Variants in RIMS2 observed in about 807,000 individuals in gnomAD.
The protein encoded by RIMS2 is regulating synaptic membrane exocytosis protein 2.
A neutral mutation model predicts 174.4 loss-of-function variants in RIMS2; 59 were observed. The ratio of observed to expected loss-of-function variants is 0.34; its 90% CI spans 0.27 to 0.42. RIMS2 has a LOEUF of 0.42. RIMS2 is among the 10% of genes least tolerant of loss of function. The probability of loss-of-function intolerance (pLI) is 1.00; values close to 1 mark genes in which losing one functional copy is unlikely to be tolerated. For synonymous variants in RIMS2, 606 were observed against 572.5 expected (o/e 1.06, Z -0.84); for missense variants, 1,620 against 1,666.3 (o/e 0.97, Z 0.48).
intron 19 of RIMS2, among the ~76,000 whole-genome samples, chr8:104,079,681 CAT>C (rs34198218): frequency 0.24 from 31,297 of 128,768 alleles, 3,998 homozygotes; most frequent in African/African-American, 0.34. Flanking sequence ...TAGGTGAAAA[CAT>C]ATATACCTTC....
chr8:104,028,118 A>G (rs1045827237), intron 19 of RIMS2, among the ~76,000 whole-genome samples: 1 of 150,814 alleles, frequency 6.6e-6, no homozygotes, highest in Admixed American at 6.6e-5. Flanking sequence ...TTTTTTAGAG[A>G]TAGAATCTCT....
chr8:103,590,873 A>G (rs1371238891), intron 1 of RIMS2, among the ~76,000 whole-genome samples: 6 of 151,102 alleles, frequency 4.0e-5, no homozygotes, highest in Admixed American at 4.0e-4. Context: ...GTTTTTGTAG[A>G]CATATGTTTT....
At chr8:104,187,720 T>C (rs1456653030) in intron 19 of RIMS2, among the ~76,000 whole-genome samples, 1 of 151,812 alleles carries the variant, frequency 6.6e-6, no homozygotes, top group Non-Finnish European at 1.5e-5. Flanking sequence ...ATTAAGAGAA[T>C]AAAATATATT....
chr8:103,539,760 C>G (rs1009945180), intron 1 of RIMS2, among the ~76,000 whole-genome samples: 2 of 152,230 alleles, frequency 1.3e-5, no homozygotes, highest in African/African-American at 4.8e-5. Context: ...TCCTCTCTTC[C>G]AACCCTGCCT....
intron 19 of RIMS2, among the ~76,000 whole-genome samples, chr8:104,017,409 G>A (rs1189151484): frequency 4.0e-5 from 6 of 151,738 alleles, no homozygotes; most frequent in African/African-American, 1.5e-4. Context: ...TTATATTTTA[G>A]TCTGTTATAT....
intron 1 of RIMS2, among the ~76,000 whole-genome samples, chr8:103,647,082 G>A (rs1429576856): frequency 1.3e-5 from 2 of 152,130 alleles, no homozygotes; most frequent in African/African-American, 2.4e-5. Flanking sequence ...CATCTAATGA[G>A]ACAAATTATG....
intron 19 of RIMS2, among the ~76,000 whole-genome samples, chr8:104,205,332 A>T (rs1399626849): frequency 6.6e-6 from 1 of 152,118 alleles, no homozygotes; most frequent in African/African-American, 2.4e-5. Context: ...ACAAACTGAT[A>T]CTGTATTAAA....
At chr8:103,988,442 A>G (rs1255455390) in intron 16 of RIMS2, among the ~76,000 whole-genome samples, 1 of 152,080 alleles carries the variant, frequency 6.6e-6, no homozygotes, top group Non-Finnish European at 1.5e-5. Flanking sequence ...TAAGAATTGA[A>G]GCCAGAGATT....
chr8:104,185,934 G>T (rs934898559), intron 19 of RIMS2, among the ~76,000 whole-genome samples: 5 of 151,590 alleles, frequency 3.3e-5, no homozygotes, highest in Non-Finnish European at 7.4e-5. Context: ...GTACCCATAT[G>T]TTTATCATGG....
intron 1 of RIMS2, among the ~76,000 whole-genome samples, chr8:103,545,421 G>T (rs1844548017): frequency 6.6e-6 from 1 of 152,178 alleles, no homozygotes; most frequent in African/African-American, 2.4e-5. Flanking sequence ...TGAAAGAGAG[G>T]AAGAGAAAGC....
intron 19 of RIMS2, among the ~76,000 whole-genome samples, chr8:104,039,105 G>A (rs1179395034): frequency 6.6e-6 from 1 of 151,610 alleles, no homozygotes; most frequent in East Asian, 1.9e-4. Context: ...AAGAATGAAA[G>A]CATTGGTGAA....
At position 103,767,913 on chromosome 8, in the gene RIMS2, A is replaced by G. The variant is rs183491779; in HGVS notation, c.698+1376A>G. The stretch of plus-strand genomic sequence containing the variant: ...ATATAGAGGACAAGGAAGTTGGAGT[A>G]TTTAATTTATCAACTCTCCTTTATT... On this transcript the variant is annotated intron_variant, in intron 3 of 23. Transcript: ENST00000504942. Among the ~76,000 whole-genome samples, 5 of 152,320 alleles carry G rather than the reference A, an allele frequency of 3.3e-5. No individual in the cohort carries two copies. In the South Asian group the frequency reaches 8.3e-4, roughly 25 times the overall value.
At chr8:103,788,602 C>T (rs573656015) in intron 3 of RIMS2, among the ~76,000 whole-genome samples, 1 of 151,986 alleles carries the variant, frequency 6.6e-6, no homozygotes, top group South Asian at 2.1e-4. Flanking sequence ...GGGTCAGGGA[C>T]CCACTCGAGG....
intron 2 of RIMS2, among the ~76,000 whole-genome samples, chr8:103,719,333 C>G (rs982498239): frequency 4.6e-5 from 7 of 152,082 alleles, no homozygotes; most frequent in Non-Finnish European, 8.8e-5. Context: ...TTTTTTGCTT[C>G]TTATACCCAA....
At chr8:104,145,837 G>A (rs1458377593) in intron 19 of RIMS2, among the ~76,000 whole-genome samples, 3 of 151,596 alleles carry the variant, frequency 2.0e-5, no homozygotes, top group African/African-American at 7.3e-5. Context: ...CTCCAGCCTG[G>A]GCAACAAGAG....
chr8:103,899,896 A>G (rs1293729213), intron 4 of RIMS2, among the ~76,000 whole-genome samples: 3 of 151,564 alleles, frequency 2.0e-5, no homozygotes, highest in African/African-American at 4.9e-5. Flanking sequence ...TAATTTTTGT[A>G]TAAGGTGTAA....
At chr8:104,209,240 T>C (rs1352387739) in intron 19 of RIMS2, among the ~76,000 whole-genome samples, 1 of 152,210 alleles carries the variant, frequency 6.6e-6, no homozygotes, top group African/African-American at 2.4e-5. Context: ...ACCCTTTTAT[T>C]ACAACACTTA....
intron 1 of RIMS2, among the ~76,000 whole-genome samples, chr8:103,681,764 A>T (rs1389632608): frequency 6.6e-6 from 1 of 151,992 alleles, no homozygotes; most frequent in Non-Finnish European, 1.5e-5. Context: ...GAGAAGAATA[A>T]CTCTTTTTTT....
intron 1 of RIMS2, among the ~76,000 whole-genome samples, chr8:103,601,321 T>C (rs2094726560): frequency 6.6e-6 from 1 of 152,194 alleles, no homozygotes. Flanking sequence ...TTAGCTCCAA[T>C]AATGTTACCT....
Sources: gnomAD v4.1 joint callset for allele counts (sites outside exome capture counted in the v4.1 genomes callset) on GRCh38, gnomAD v4.1.1 for gene constraint, MANE v1.5 for transcripts, NCBI Gene and HGNC (gene_info 2026-07-23, HGNC 2026-07-21) for gene names.